The following ALOX5 variants were observed in gnomAD, a reference collection of about 807,000 sequenced individuals.
ALOX5 encodes the protein arachidonate 5-lipoxygenase, also known as polyunsaturated fatty acid 5-lipoxygenase.
ALOX5 carries 64 observed loss-of-function variants against 87.9 expected under a neutral mutation model. That is an observed-to-expected ratio of 0.73 (90% CI 0.60 to 0.90). ALOX5 has a LOEUF of 0.90. Ranked by LOEUF, ALOX5 falls within the 40% of genes least tolerant of loss-of-function variation. The pLI, the probability that ALOX5 is intolerant of heterozygous loss-of-function variation, is 0.00. For synonymous variants in ALOX5, 388 were observed against 355.1 expected (o/e 1.09, Z -1.04); for missense variants, 822 against 907.5 (o/e 0.91, Z 1.21).
At chr10:45,395,395 GA>G (rs1159444814) in intron 2 of ALOX5, among the ~76,000 whole-genome samples, 1 of 152,146 alleles carries the variant, frequency 6.6e-6, no homozygotes, top group Non-Finnish European at 1.5e-5. Flanking sequence ...TCATAGGTGG[GA>G]ATTGAACAAT....
intron 6 of ALOX5, among the ~76,000 whole-genome samples, chr10:45,427,825 G>T (rs980465434): frequency 4.6e-5 from 7 of 152,100 alleles, no homozygotes; most frequent in African/African-American, 7.2e-5. Context: ...CCACTTCACC[G>T]GCACGCTCGT....
intron 1 of ALOX5, among the ~76,000 whole-genome samples, chr10:45,379,090 C>T (rs920417839): frequency 1.3e-5 from 2 of 152,130 alleles, no homozygotes; most frequent in East Asian, 1.9e-4. Context: ...TCAGTCTCTT[C>T]GTGTGGGTCG....
In ALOX5 at chr10:45,425,665, G is replaced by T. The variant is rs945639924; in HGVS notation, c.834+533G>T. Among the ~76,000 whole-genome samples the T allele has an allele frequency of 1.5e-4, 23 of 152,246 alleles. No individual in the cohort carries two copies. The highest frequency in any genetic ancestry group is 5.1e-4 in the African/African-American group (21 of 41,562). Reference sequence around the variant, plus strand: ...CTCACCTGCAGACTCAGCTGCCTCCGGCTGCAAGGCTGACCTAGTCTTGAG... The same window carrying T: ...CTCACCTGCAGACTCAGCTGCCTCCTGCTGCAAGGCTGACCTAGTCTTGAG... On this transcript the variant is annotated intron_variant, in intron 6 of 13. Coordinates refer to ENST00000374391, the MANE Select transcript of ALOX5 (RefSeq NM_000698.5). This position sits in a 1 kb window ranked among gnomAD's most constrained non-coding sequence, Gnocchi z 4.4.
At chr10:45,413,928 C>G (rs532417188) in intron 4 of ALOX5, among the ~76,000 whole-genome samples, 2 of 151,946 alleles carry the variant, frequency 1.3e-5, no homozygotes, top group African/African-American at 4.8e-5. Context: ...CACTGCTCAA[C>G]AAAATAAAAG....
intron 9 of ALOX5, 91 bp from the exon 10 acceptor site, chr10:45,442,947 T>G (rs1842285142): frequency 1.4e-6 from 2 of 1,406,158 alleles, no homozygotes; most frequent in African/African-American, 1.4e-5. Context: ...CTGCCTGGCC[T>G]CCTCGCCTCC....
chr10:45,424,189 G>A (rs1348937475), intron 5 of ALOX5, 42 bp downstream of exon 5: 5 of 1,488,662 alleles, frequency 3.4e-6, no homozygotes, highest in African/African-American at 2.8e-5. Flanking sequence ...TGGGGACAGG[G>A]GATGCTGCTC....
intron 2 of ALOX5, among the ~76,000 whole-genome samples, chr10:45,385,534 C>T (rs1839979300): frequency 1.3e-5 from 2 of 152,200 alleles, no homozygotes; most frequent in African/African-American, 4.8e-5. Context: ...TGGCATGTTG[C>T]AATTCCGCAT....
chr10:45,386,527 T>C (rs1355568753), intron 2 of ALOX5, among the ~76,000 whole-genome samples: 1 of 151,872 alleles, frequency 6.6e-6, no homozygotes, highest in Non-Finnish European at 1.5e-5. Context: ...GGAGGGGTTT[T>C]AGAAACTTTT....
chr10:45,431,774 A>C (rs1054054221), intron 7 of ALOX5, among the ~76,000 whole-genome samples: 1 of 151,944 alleles, frequency 6.6e-6, no homozygotes, highest in African/African-American at 2.4e-5. Context: ...GCATTTCACC[A>C]TGTTGGCCAG....
At chr10:45,389,721 ACCAG>A (rs141480790) in intron 2 of ALOX5, among the ~76,000 whole-genome samples, 10,195 of 152,262 alleles carry the variant, frequency 0.067, 440 homozygotes, top group East Asian at 0.18. Flanking sequence ...AACAACTGGT[ACCAG>A]CCACTGCAAA....
intron 3 of ALOX5, among the ~76,000 whole-genome samples, chr10:45,401,261 G>A (rs1021144307): frequency 4.6e-5 from 7 of 152,068 alleles, no homozygotes; most frequent in African/African-American, 7.2e-5. Context: ...GCTGTGGAGG[G>A]GCCTTTGGGA....
chr10:45,428,080 C>CA (rs1205554587), intron 6 of ALOX5, among the ~76,000 whole-genome samples: 3 of 141,134 alleles, frequency 2.1e-5, no homozygotes, highest in Non-Finnish European at 4.6e-5. Flanking sequence ...TGGAGACCCC[C>CA]CTCAACCCCT....
intron 4 of ALOX5, among the ~76,000 whole-genome samples, chr10:45,423,579 G>A (rs1359763264): frequency 1.3e-5 from 2 of 152,324 alleles, no homozygotes; most frequent in South Asian, 2.1e-4. Flanking sequence ...CCTGTGCAGT[G>A]AGCATTTGGA....
intron 4 of ALOX5, among the ~76,000 whole-genome samples, chr10:45,419,148 G>C (rs903613827): frequency 6.6e-6 from 1 of 152,218 alleles, no homozygotes; most frequent in Non-Finnish European, 1.5e-5. Flanking sequence ...CCACGTCCAG[G>C]GACAAACTGG....
rs143879260 is a variant in ALOX5, at chr10:45,420,398, G to A, written c.555-3643G>A. Among the ~76,000 whole-genome samples, 497 of 152,316 alleles carry A rather than the reference G, an allele frequency of 3.3e-3. 4 individuals are homozygous for A. The highest frequency in any genetic ancestry group is 0.011 in the African/African-American group (472 of 41,560). Reference sequence around the variant, plus strand: ...ACCAAGAGTTAATACAAAGCATGAAGTCATGTTTCCCTCAAAAAAATGATT... The same window carrying A: ...ACCAAGAGTTAATACAAAGCATGAAATCATGTTTCCCTCAAAAAAATGATT... On this transcript the variant is annotated intron_variant, in intron 4 of 13. Coordinates refer to ENST00000374391, the MANE Select transcript of ALOX5 (RefSeq NM_000698.5).
chr10:45,443,185 G>T lies in ALOX5; in HGVS notation c.1420G>T (p.Asp474Tyr). The T allele has an allele frequency of 1.9e-6, 3 of 1,613,726 alleles. No individual in the cohort carries two copies. Among genetic ancestry groups the T allele is most frequent in the East Asian group, 2.2e-5 (1 of 44,866 alleles). The change falls in exon 10 of 14, where the codon GAC becomes TAC. Residue 474 changes from aspartate (D) to tyrosine (Y), a missense_variant. Coordinates refer to ENST00000374391, the MANE Select transcript of ALOX5 (RefSeq NM_000698.5). ...CATCCCCTACTACTTCTACCGGGAC[G>T]ACGGGCTCCTGGTGTGGGAAGCCAT... ...EDIPYYFYRD[D>Y]GLLVWEAIRT...
chr10:45,443,741 G>T lies in ALOX5; in HGVS notation c.1587G>T (p.Ser529=), dbSNP rs772139044. The change falls in exon 12 of 14, where the codon TCG becomes TCT. Residue 529 remains serine, a synonymous_variant. Transcript: ENST00000374391. ...RGRKSSGFPK[S]VKSREQLSEY... The stretch of plus-strand genomic sequence containing the variant: ...GTTCCACCCTAGGCTTCCCCAAGTC[G>T]GTCAAGAGCCGGGAGCAGCTGTCGG... The T allele has an allele frequency of 2.5e-6, 4 of 1,612,090 alleles. No individual in the cohort carries two copies. In the South Asian group the frequency reaches 4.4e-5, roughly 18 times the overall value.
At chr10:45,428,277 A>G (rs921476703) in intron 6 of ALOX5, 7 of 335,130 alleles carry the variant, frequency 2.1e-5, no homozygotes, top group Non-Finnish European at 3.8e-5. Flanking sequence ...ATTTTTTGGC[A>G]TTTAACTCGT....
intron 2 of ALOX5, among the ~76,000 whole-genome samples, chr10:45,388,199 G>C (rs765634561): frequency 2.6e-5 from 4 of 152,216 alleles, no homozygotes; most frequent in African/African-American, 9.6e-5. Context: ...CAGCAAGCTC[G>C]AACTGGGTGG....
Sources: allele counts gnomAD v4.1 joint callset (sites outside exome capture counted in the v4.1 genomes callset), GRCh38; gene constraint gnomAD v4.1.1; non-coding constraint Gnocchi (gnomAD v3.1); transcripts MANE v1.5; gene names NCBI Gene and HGNC (gene_info 2026-07-23, HGNC 2026-07-21).